The following MTUS2 variants were observed in gnomAD, a reference collection of about 807,000 sequenced individuals.
MTUS2 encodes the protein microtubule associated scaffold protein 2.
A neutral mutation model predicts 114.1 loss-of-function variants in MTUS2; 40 were observed. That is an observed-to-expected ratio of 0.35 (90% confidence interval 0.27 to 0.46). The LOEUF is 0.46. MTUS2 is among the 20% of genes least tolerant of loss of function. The pLI is 1.00. For synonymous variants in MTUS2, 688 were observed against 672.0 expected, an observed-to-expected ratio of 1.02 and a Z score of -0.37; for missense variants, 1,679 against 1,705.4, an observed-to-expected ratio of 0.98 and a Z score of 0.27.
intron 2 of MTUS2, among the ~76,000 whole-genome samples, chr13:28,959,882 C>CGCT (rs886351065): frequency 1.3e-5 from 2 of 152,226 alleles, no homozygotes; most frequent in African/African-American, 4.8e-5. Context: ...TGTGATGGTG[C>CGCT]AGCCCCCTTC....
chr13:29,008,354 G>A (rs1420213205), intron 2 of MTUS2, among the ~76,000 whole-genome samples: 1 of 152,126 alleles, frequency 6.6e-6, no homozygotes, highest in Non-Finnish European at 1.5e-5. Context: ...AATCAACCAA[G>A]CACCTCAGGA....
rs143395341 is a variant in MTUS2, at chr13:29,292,185, A to G, written c.2806+10320A>G. Among the ~76,000 whole-genome samples the G allele has an allele frequency of 4.3e-3, 659 of 152,268 alleles. 2 individuals carry two copies. Among genetic ancestry groups the G allele is most frequent in the African/African-American group, 0.015 (626 of 41,550 alleles). ...TCTTACTGTTTTAACCCTTGTTGGA[A>G]ACACTTCTCAGCTGTGATACTTTGC... On this transcript the variant is annotated intron_variant, in intron 6 of 15. Transcript: ENST00000612955.
At chr13:29,256,864 T>C (rs1193204875) in intron 5 of MTUS2, among the ~76,000 whole-genome samples, 1 of 152,184 alleles carries the variant, frequency 6.6e-6, no homozygotes, top group Non-Finnish European at 1.5e-5. Context: ...GTTAAAACCT[T>C]ATCCAAGCAG....
At chr13:28,892,181 T>C (rs980141998) in intron 2 of MTUS2, among the ~76,000 whole-genome samples, 5 of 152,148 alleles carry the variant, frequency 3.3e-5, no homozygotes, top group African/African-American at 1.2e-4. Flanking sequence ...GTCTCCTTAG[T>C]ATTTATATAC....
At chr13:29,007,738 A>G (rs1235655721) in intron 2 of MTUS2, among the ~76,000 whole-genome samples, 2 of 152,216 alleles carry the variant, frequency 1.3e-5, no homozygotes, top group Non-Finnish European at 2.9e-5. Context: ...GGTTTTCTTA[A>G]TAACATTTTC....
At chr13:29,185,298 C>T (rs977803997) in intron 5 of MTUS2, among the ~76,000 whole-genome samples, 1 of 151,994 alleles carries the variant, frequency 6.6e-6, no homozygotes, top group Non-Finnish European at 1.5e-5. Context: ...CACCATCAAG[C>T]ATACCAACAT....
At chr13:29,401,603 C>T (rs1874356053) in intron 8 of MTUS2, among the ~76,000 whole-genome samples, 1 of 152,118 alleles carries the variant, frequency 6.6e-6, no homozygotes, top group African/African-American at 2.4e-5. Flanking sequence ...TGATTGAATA[C>T]TCCAGCATCC....
intron 4 of MTUS2, among the ~76,000 whole-genome samples, chr13:29,082,488 A>G (rs1195549139): frequency 1.3e-5 from 2 of 152,316 alleles, no homozygotes; most frequent in East Asian, 1.9e-4. Context: ...GGCTCCTTAC[A>G]TAGCCAAATC....
Position 29,413,222 on chromosome 13 carries a change from G to A in MTUS2, c.3118-26761G>A, listed in dbSNP as rs1049413439. ...AGACTTGGGCATCTTTTAGGGGAAG[G>A]GGAACATTATTTTGCCTTCTGCATT... On this transcript the variant is annotated intron_variant, in intron 8 of 15. Coordinates refer to ENST00000612955, the MANE Select transcript of MTUS2 (RefSeq NM_001033602.4). 3.3e-5 allele frequency among the ~76,000 whole-genome samples: 5 copies of A among 152,206 alleles called. No homozygotes were observed. In the East Asian group the frequency reaches 7.7e-4, roughly 24 times the overall value.
intron 9 of MTUS2, among the ~76,000 whole-genome samples, chr13:29,452,565 T>C (rs1175416878): frequency 1.2e-5 from 1 of 84,126 alleles, no homozygotes; most frequent in Admixed American, 1.5e-4. Context: ...TGTGTATATA[T>C]ATATATATAT....
intron 8 of MTUS2, among the ~76,000 whole-genome samples, chr13:29,391,094 GTTA>G (rs769940017): frequency 1.1e-4 from 17 of 150,620 alleles, no homozygotes; most frequent in Non-Finnish European, 1.6e-4. Flanking sequence ...TATTATTATT[GTTA>G]TTATTATTTT....
chr13:29,051,899 A>G (rs1216296691), intron 4 of MTUS2, among the ~76,000 whole-genome samples: 1 of 152,182 alleles, frequency 6.6e-6, no homozygotes, highest in Non-Finnish European at 1.5e-5. Context: ...CAAGACTTGG[A>G]GCTCTTTCAT....
intron 1 of MTUS2, among the ~76,000 whole-genome samples, chr13:28,836,017 A>G (rs578213674): frequency 6.6e-6 from 1 of 150,936 alleles, no homozygotes; most frequent in South Asian, 2.1e-4. Flanking sequence ...GGGTTTATTA[A>G]TAAGGAGGAG....
rs71090232 is a variant in MTUS2 at position 29,215,474 on chromosome 13, G to GTT, written c.2645-66210_2645-66209dup. 2.6e-3 allele frequency among the ~76,000 whole-genome samples: 336 copies of GTT among 130,030 alleles called. 1 individual carries two copies. The highest frequency in any genetic ancestry group is 4.1e-3 in the Non-Finnish European group (256 of 62,502). The allele number at this position is 130,030 out of a possible 152,430, so 85.3% of individuals were successfully genotyped here. ...TTGGAGTTTTCAGCATTTTTTTGCT[G>GTT]TTTTTTTTTTTTTTTTTTTTTCCCC... On this transcript the variant is annotated intron_variant, in intron 5 of 15. Transcript: ENST00000612955.
intron 2 of MTUS2, among the ~76,000 whole-genome samples, chr13:28,995,857 C>T (rs1020278312): frequency 1.3e-5 from 2 of 152,234 alleles, no homozygotes; most frequent in Non-Finnish European, 2.9e-5. Context: ...GACAATTTCA[C>T]TTCCTCTTTT....
chr13:29,489,963 T>C (rs1333469906), intron 11 of MTUS2: 2 of 152,198 alleles, frequency 1.3e-5, no homozygotes, highest in Admixed American at 6.5e-5. Flanking sequence ...TTGCCTTTTC[T>C]TTCTGGATTT....
At chr13:28,957,611 T>C (rs1883132413) in intron 2 of MTUS2, among the ~76,000 whole-genome samples, 1 of 152,218 alleles carries the variant, frequency 6.6e-6, no homozygotes, top group South Asian at 2.1e-4. Context: ...TACAGGAAGA[T>C]GTGCTCAGGT....
intron 3 of MTUS2, among the ~76,000 whole-genome samples, chr13:29,031,881 G>A (rs1666150812): frequency 6.6e-6 from 1 of 151,974 alleles, no homozygotes; most frequent in South Asian, 2.1e-4. Context: ...TCCCATTGAG[G>A]ACAGTGCAGG....
At chr13:28,951,537 A>G (rs1566247048) in intron 2 of MTUS2, among the ~76,000 whole-genome samples, 1 of 152,112 alleles carries the variant, frequency 6.6e-6, no homozygotes, top group Non-Finnish European at 1.5e-5. Context: ...AGTGGCTCAC[A>G]CCTGTAATCC....
Sources: allele counts gnomAD v4.1 joint callset (sites outside exome capture counted in the v4.1 genomes callset), GRCh38; gene constraint gnomAD v4.1.1; transcripts MANE v1.5; gene names NCBI Gene and HGNC (gene_info 2026-07-23, HGNC 2026-07-21).